PTPRK: variants seen among roughly 807,000 people sequenced by gnomAD.
The protein encoded by PTPRK is protein tyrosine phosphatase receptor type K, also known as receptor-type tyrosine-protein phosphatase kappa.
In PTPRK, 75 loss-of-function variants were observed where a neutral mutation model predicts 178.0. The observed-to-expected ratio is 0.42, with a 90% CI of 0.35 to 0.51. The LOEUF is 0.51. Ranked by LOEUF, PTPRK falls within the 20% of genes least tolerant of loss-of-function variation. PTPRK has a pLI of 0.02. For synonymous variants in PTPRK, 637 were observed against 620.6 expected (o/e 1.03, Z -0.39); for missense variants, 1,441 against 1,797.8 (o/e 0.80, Z 3.59).
intron 1 of PTPRK, among the ~76,000 whole-genome samples, chr6:128,456,518 TA>T (rs556670712): frequency 3.5e-4 from 53 of 150,830 alleles, no homozygotes; most frequent in African/African-American, 1.1e-3. Flanking sequence ...AAAAATGACA[TA>T]AAAAAAGGAA....
chr6:128,401,179 C>T (rs1198210752), intron 1 of PTPRK, among the ~76,000 whole-genome samples: 1 of 152,146 alleles, frequency 6.6e-6, no homozygotes, highest in Non-Finnish European at 1.5e-5. Flanking sequence ...TAGCAAGCCA[C>T]TTAAGGGGTT....
chr6:128,435,313 T>TA (rs1845453550), intron 1 of PTPRK, among the ~76,000 whole-genome samples: 2 of 152,210 alleles, frequency 1.3e-5, no homozygotes, highest in African/African-American at 2.4e-5. Flanking sequence ...TTCAAAATCT[T>TA]AGTTTGCAAT....
chr6:128,203,547 A>G (rs1049504346), intron 6 of PTPRK, among the ~76,000 whole-genome samples: 2 of 152,196 alleles, frequency 1.3e-5, no homozygotes, highest in Admixed American at 6.6e-5. Flanking sequence ...TCAGCCTAAA[A>G]GCTTCTTAAG....
At chr6:128,213,525 C>T (rs534352577) in intron 6 of PTPRK, among the ~76,000 whole-genome samples, 1 of 152,028 alleles carries the variant, frequency 6.6e-6, no homozygotes, top group East Asian at 1.9e-4. Flanking sequence ...CAAGATAATT[C>T]CAAACTTCCT....
intron 13 of PTPRK, among the ~76,000 whole-genome samples, chr6:128,034,133 A>G (rs1007377823): frequency 6.6e-6 from 1 of 152,150 alleles, no homozygotes; most frequent in Non-Finnish European, 1.5e-5. Context: ...TCAAACTTAC[A>G]TTATTATCAT....
chr6:127,972,153 C>T (rs936737763), intron 29 of PTPRK, among the ~76,000 whole-genome samples: 11 of 152,234 alleles, frequency 7.2e-5, no homozygotes, highest in East Asian at 3.9e-4. Context: ...AACTCTTGTG[C>T]GAGCAATCCA....
intron 6 of PTPRK, among the ~76,000 whole-genome samples, chr6:128,190,021 T>C (rs1803485406): frequency 6.6e-6 from 1 of 152,182 alleles, no homozygotes; most frequent in Non-Finnish European, 1.5e-5. Context: ...TACTGATGAA[T>C]AGAAAGATGA....
At chr6:128,399,394 T>C (rs1464442925) in intron 1 of PTPRK, among the ~76,000 whole-genome samples, 1 of 152,232 alleles carries the variant, frequency 6.6e-6, no homozygotes, top group Admixed American at 6.5e-5. Context: ...ATCACTCTTA[T>C]GACTACAGCA....
At chr6:128,003,076 A>G in intron 15 of PTPRK, 2 of 917,702 alleles carry the variant, frequency 2.2e-6, no homozygotes, top group Non-Finnish European at 3.4e-6. Flanking sequence ...TGATAATACC[A>G]TGGCTGTCTA....
In PTPRK at chr6:128,184,448, G is replaced by T; in HGVS notation, c.1146C>A (p.Thr382=). ...CAGTCTTACCTGCACATTTTGTTCT[G>T]GTGATTAGTGGAGGTCCTGGGAGCC... ...GTGLPGPPLI[T]RTKCAEPMRT... Residue 382 remains threonine (T), a synonymous_variant, in exon 7 of 30, where the codon ACC becomes ACA. Coordinates refer to ENST00000368226, the MANE Select transcript of PTPRK (RefSeq NM_002844.4). 1 of 1,613,442 alleles carries T rather than the reference G, an allele frequency of 6.2e-7. No individual in the cohort carries two copies. The highest frequency in any genetic ancestry group is 8.5e-7 in the Non-Finnish European group (1 of 1,179,686).
At chr6:128,227,042 C>T (rs1378288636) in intron 5 of PTPRK, among the ~76,000 whole-genome samples, 1 of 151,956 alleles carries the variant, frequency 6.6e-6, no homozygotes, top group African/African-American at 2.4e-5. Flanking sequence ...CATGATGCAG[C>T]AGTAGAGGCA....
intron 7 of PTPRK, among the ~76,000 whole-genome samples, chr6:128,115,021 T>C (rs1791262942): frequency 6.6e-6 from 1 of 152,046 alleles, no homozygotes; most frequent in South Asian, 2.1e-4. Context: ...CCCAGGGTGA[T>C]ATTCCTAAAA....
chr6:128,122,709 T>G (rs977552606), intron 7 of PTPRK, among the ~76,000 whole-genome samples: 22 of 152,270 alleles, frequency 1.4e-4, no homozygotes, highest in African/African-American at 5.3e-4. Flanking sequence ...CACCTACAAA[T>G]GAAGGATAAC....
intron 5 of PTPRK, 59 bp from the exon 6 acceptor site, chr6:128,219,155 G>A: frequency 7.0e-7 from 1 of 1,429,830 alleles, no homozygotes; most frequent in Non-Finnish European, 9.6e-7. Flanking sequence ...AATCTATAAA[G>A]CATCTTAGCA....
chr6:128,479,092 G>T (rs1033435772), intron 1 of PTPRK, among the ~76,000 whole-genome samples: 2 of 152,018 alleles, frequency 1.3e-5, no homozygotes, highest in Non-Finnish European at 2.9e-5. Flanking sequence ...AGTGTAGCTG[G>T]TATTGTTCCA....
intron 1 of PTPRK, among the ~76,000 whole-genome samples, chr6:128,413,770 A>T (rs147174471): frequency 5.3e-4 from 81 of 152,296 alleles, no homozygotes; most frequent in African/African-American, 1.9e-3. Flanking sequence ...CGGGTGTATA[A>T]ATGTGATGCC....
At position 128,254,959 on chromosome 6, in the gene PTPRK, T is replaced by C. The variant is rs141489807; in HGVS notation, c.496-12357A>G. On this transcript the variant is annotated intron_variant, in intron 3 of 29. Coordinates refer to ENST00000368226, the MANE Select transcript of PTPRK (RefSeq NM_002844.4). ...ATTCATAGACCAATGTTGTTACCCATATAAAACAAAATAAGTGGAATAAAA... is the reference window on the plus strand; with the variant it reads ...ATTCATAGACCAATGTTGTTACCCACATAAAACAAAATAAGTGGAATAAAA... Among the ~76,000 whole-genome samples, 522 of 152,280 alleles carry C rather than the reference T, an allele frequency of 3.4e-3. 2 individuals carry two copies. Among genetic ancestry groups the C allele is most frequent in the African/African-American group, 0.012 (492 of 41,556 alleles).
intron 2 of PTPRK, among the ~76,000 whole-genome samples, chr6:128,385,983 G>A (rs1383929470): frequency 1.3e-5 from 2 of 152,118 alleles, no homozygotes; most frequent in Non-Finnish European, 2.9e-5. Context: ...CTCATGCAGT[G>A]AATCAATTTG....
At chr6:128,205,423 T>C (rs376931581) in intron 6 of PTPRK, among the ~76,000 whole-genome samples, 8 of 151,624 alleles carry the variant, frequency 5.3e-5, no homozygotes, top group African/African-American at 7.3e-5. Flanking sequence ...AACTTAAAAG[T>C]TGAAGAAAAA....
Sources: allele counts gnomAD v4.1 joint callset (sites outside exome capture counted in the v4.1 genomes callset), GRCh38; gene constraint gnomAD v4.1.1; transcripts MANE v1.5; gene names NCBI Gene and HGNC (gene_info 2026-07-23, HGNC 2026-07-21).